ACSBG2: variants seen among roughly 807,000 people sequenced by gnomAD.
The protein encoded by ACSBG2 is long-chain-fatty-acid--CoA ligase ACSBG2.
ACSBG2 carries 62 observed loss-of-function variants against 74.7 expected under a neutral mutation model. The observed-to-expected ratio is 0.83, with a 90% confidence interval of 0.68 to 1.03. The LOEUF is 1.03. ACSBG2 is among the 50% of genes least tolerant of loss of function. ACSBG2 has a pLI of 0.00. For synonymous variants in ACSBG2, 309 were observed against 294.1 expected, an observed-to-expected ratio of 1.05 and a Z score of -0.52; for missense variants, 730 against 817.6, an observed-to-expected ratio of 0.89 and a Z score of 1.31.
At chr19:6,142,812 T>C (rs1367257828) in intron 2 of ACSBG2, among the ~76,000 whole-genome samples, 1 of 151,200 alleles carries the variant, frequency 6.6e-6, no homozygotes, top group Non-Finnish European at 1.5e-5. Flanking sequence ...GTACTTGCAT[T>C]GCAAAGTACA....
chr19:6,138,599 AGGGAGGAAGGAAGGAAGGAAG>A (rs1246502531), intron 1 of ACSBG2, among the ~76,000 whole-genome samples: 2 of 69,260 alleles, frequency 2.9e-5, no homozygotes, highest in Admixed American at 3.1e-4. Flanking sequence ...GGGAAGAGAG[AGGGAGGAAGGAAGGAAGGAAG>A]GGGAGGAAGA....
At chr19:6,190,183 G>C (rs1316587888) in intron 13 of ACSBG2, 6 of 195,354 alleles carry the variant, frequency 3.1e-5, no homozygotes, top group East Asian at 1.2e-4. Context: ...TCAGGGAGCA[G>C]ACAACTCCCA....
chr19:6,178,720 T>A (rs778657133), intron 8 of ACSBG2, among the ~76,000 whole-genome samples: 1 of 152,188 alleles, frequency 6.6e-6, no homozygotes, highest in Non-Finnish European at 1.5e-5. Context: ...TTAGCTGGAC[T>A]GTTGTTTTAG....
chr19:6,183,680 T>C lies in ACSBG2; in HGVS notation c.1322+408T>C, dbSNP rs913020605. On this transcript the variant is annotated intron_variant, in intron 10 of 14. Transcript: ENST00000588485. ...ATAAGAAAACTTTAAGAATACCAAA[T>C]TGAGGTTCAACTCCCCATCTGAGAG... Among the ~76,000 whole-genome samples, 8 of 152,276 alleles carry C rather than the reference T, an allele frequency of 5.3e-5. 1 individual carries two copies. The highest frequency in any genetic ancestry group is 3.4e-3 in the Middle Eastern group (1 of 294).
chr19:6,138,704 C>T (rs188383612), intron 1 of ACSBG2, among the ~76,000 whole-genome samples: 100 of 93,640 alleles, frequency 1.1e-3, no homozygotes, highest in African/African-American at 4.1e-3. Context: ...AGGGGAAGAA[C>T]GAAGGGAGGA....
intron 8 of ACSBG2, among the ~76,000 whole-genome samples, chr19:6,181,221 C>CAAAAAAAAA (rs1157571006): frequency 2.7e-4 from 8 of 29,186 alleles, no homozygotes; most frequent in African/African-American, 8.3e-4. Flanking sequence ...GAGACTGTGT[C>CAAAAAAAAA]AAAAAAAAAA....
intron 10 of ACSBG2, among the ~76,000 whole-genome samples, chr19:6,183,592 A>G (rs571888711): frequency 6.6e-6 from 1 of 152,244 alleles, no homozygotes; most frequent in East Asian, 1.9e-4. Flanking sequence ...AAACACCTCC[A>G]TGGCCGATTC....
At chr19:6,190,804 CACATACAT>C (rs760342288) in intron 14 of ACSBG2, 112 bp downstream of exon 14, 2 of 471,068 alleles carry the variant, frequency 4.2e-6, no homozygotes, top group Non-Finnish European at 7.7e-6. Flanking sequence ...CACACATACA[CACATACAT>C]ACACACACAC....
At chr19:6,191,659 G>A (rs1413812892) in intron 14 of ACSBG2, 1 of 152,088 alleles carries the variant, frequency 6.6e-6, no homozygotes, top group African/African-American at 2.4e-5. Flanking sequence ...TTATGACCTC[G>A]TTTTAACTTC....
chr19:6,139,250 G>T (rs956333912), intron 1 of ACSBG2, among the ~76,000 whole-genome samples: 2 of 151,986 alleles, frequency 1.3e-5, no homozygotes, highest in Non-Finnish European at 2.9e-5. Context: ...ACCATGCCTG[G>T]CTAATTTTTT....
intron 13 of ACSBG2, 26 bp from the exon 14 acceptor site, chr19:6,190,558 T>G: frequency 6.2e-7 from 1 of 1,602,604 alleles, no homozygotes; most frequent in Non-Finnish European, 8.5e-7. Context: ...TCTCCACAAC[T>G]CAATTGATTT....
chr19:6,182,875 A>T lies in ACSBG2; in HGVS notation c.1031A>T (p.Lys344Met). The T allele has an allele frequency of 6.2e-7, 1 of 1,614,168 alleles. No homozygotes were observed. The highest frequency in any genetic ancestry group is 1.1e-5 in the South Asian group (1 of 91,086). ...NSAKSMGLKK[K>M]AFVWARNIGF... ...GCCAAGTCCATGGGCTTGAAGAAGA[A>T]GGCATTCGTGTGGGCAAGAAACATT... The change falls in exon 9 of 15, where the codon AAG becomes ATG. Residue 344 changes from lysine (K) to methionine (M), a missense_variant. Transcript: ENST00000588485.
chr19:6,140,286 A>C (rs1012412287), intron 1 of ACSBG2, among the ~76,000 whole-genome samples: 1 of 152,004 alleles, frequency 6.6e-6, no homozygotes, highest in Non-Finnish European at 1.5e-5. Flanking sequence ...GTGGTGGTAC[A>C]AACACCACTC....
At chr19:6,187,467 C>A (rs762767973) in intron 12 of ACSBG2, 45 bp downstream of exon 12, 1 of 1,608,838 alleles carries the variant, frequency 6.2e-7, no homozygotes, top group Admixed American at 1.7e-5. Flanking sequence ...TGCAGCCGGT[C>A]TTGGGTTCCC....
Position 6,185,542 on chromosome 19 carries a change from G to T in ACSBG2, c.1429G>T (p.Glu477Ter). 1 of 1,614,198 alleles carries T rather than the reference G, an allele frequency of 6.2e-7. No homozygotes were observed. Among genetic ancestry groups the T allele is most frequent in the Non-Finnish European group, 8.5e-7 (1 of 1,180,034 alleles). Residue 477 changes from glutamate (E) to a stop codon, truncating the protein, a stop_gained, in exon 11 of 15, where the codon GAA becomes TAA. Transcript: ENST00000588485. LOFTEE classifies it high-confidence loss of function. ...WGRHIFMGYL[E>*]SETETTEAID... ...TAGGCACATCTTCATGGGCTATCTG[G>T]AAAGTGAGACTGAAACTACAGAGGC...
intron 6 of ACSBG2, among the ~76,000 whole-genome samples, chr19:6,164,166 G>A (rs1022220126): frequency 1.3e-5 from 2 of 152,162 alleles, no homozygotes; most frequent in South Asian, 4.1e-4. Flanking sequence ...GCATGGGTCT[G>A]GTGCCCATCC....
chr19:6,165,747 C>T, intron 6 of ACSBG2, 119 bp from the exon 7 acceptor site: 1 of 1,277,740 alleles, frequency 7.8e-7, no homozygotes, highest in Non-Finnish European at 1.1e-6. Flanking sequence ...ACTGGCACAT[C>T]CTAAGCCCTT....
At position 6,178,926 on chromosome 19, in the gene ACSBG2, G is replaced by A. The variant is rs62108663; in HGVS notation, c.906+1530G>A. Among the ~76,000 whole-genome samples the A allele has an allele frequency of 3.0e-3, 461 of 152,292 alleles. 1 individual carries two copies. The highest frequency in any genetic ancestry group is 0.011 in the African/African-American group (439 of 41,550). ...CCATAGGAAGCTCTGAGGCATGAAC[G>A]ACACCAGAGTTGTTCCACTTTGAGG... On this transcript the variant is annotated intron_variant, in intron 8 of 14. Transcript: ENST00000588485.
Position 6,183,229 on chromosome 19 carries a change from G to A in ACSBG2, c.1279G>A (p.Gly427Arg). ...GELYGLSESS[G>R]PHTISNQNNY... ...GTTGTATGGGTTGAGTGAGAGCTCGGGACCCCACACGATATCCAACCAGAA... is the reference window on the plus strand; with the variant it reads ...GTTGTATGGGTTGAGTGAGAGCTCGAGACCCCACACGATATCCAACCAGAA... Residue 427 changes from glycine (G) to arginine (R), a missense_variant, in exon 10 of 15, where the codon GGA (glycine) becomes AGA (arginine). By Grantham distance (125) the Gly-to-Arg change is moderately radical. Transcript: ENST00000588485. 2 of 1,614,108 alleles carry A rather than the reference G, an allele frequency of 1.2e-6. No homozygotes were observed. Among genetic ancestry groups the A allele is most frequent in the Non-Finnish European group, 1.7e-6 (2 of 1,180,026 alleles).
Sources: allele counts gnomAD v4.1 joint callset (sites outside exome capture counted in the v4.1 genomes callset), GRCh38; gene constraint gnomAD v4.1.1; transcripts MANE v1.5; gene names NCBI Gene and HGNC (gene_info 2026-07-23, HGNC 2026-07-21).